The following UGGT2 variants were observed in gnomAD, a reference collection of about 807,000 sequenced individuals.
UGGT2 encodes UDP-glucose:glycoprotein glucosyltransferase 2.
A neutral mutation model predicts 192.1 loss-of-function variants in UGGT2; 180 were observed. The observed-to-expected ratio is 0.94, with a 90% CI of 0.83 to 1.06. The LOEUF is 1.06. UGGT2 is among the 50% of genes least tolerant of loss of function. UGGT2 has a pLI of 0.00. For synonymous variants in UGGT2, 580 were observed against 591.0 expected (o/e 0.98, Z 0.27); for missense variants, 1,849 against 1,795.7 (o/e 1.03, Z -0.54).
intron 6 of UGGT2, among the ~76,000 whole-genome samples, chr13:95,998,467 A>C (rs2051696456): frequency 6.6e-6 from 1 of 152,186 alleles, no homozygotes. Flanking sequence ...AGCCAGAGAG[A>C]AGTCTGTGAT....
chr13:95,832,104 T>C (rs1439329247), intron 38 of UGGT2, among the ~76,000 whole-genome samples: 1 of 151,890 alleles, frequency 6.6e-6, no homozygotes, highest in Admixed American at 6.6e-5. Flanking sequence ...AGACAGTTTA[T>C]ACATAATCAT....
At chr13:95,846,313 C>T (rs1215412225) in intron 36 of UGGT2, among the ~76,000 whole-genome samples, 1 of 151,988 alleles carries the variant, frequency 6.6e-6, no homozygotes, top group African/African-American at 2.4e-5. Context: ...CAATCCCAGG[C>T]ACTCGGCAGG....
At chr13:95,946,770 ATTACT>A (rs1016960234) in intron 15 of UGGT2, among the ~76,000 whole-genome samples, 1 of 152,206 alleles carries the variant, frequency 6.6e-6, no homozygotes, top group Non-Finnish European at 1.5e-5. Context: ...TAAAATTTAA[ATTACT>A]TTATTGGCTG....
chr13:96,009,707 C>A (rs2052094551), intron 5 of UGGT2, among the ~76,000 whole-genome samples: 2 of 152,128 alleles, frequency 1.3e-5, no homozygotes, highest in Admixed American at 1.3e-4. Context: ...ACTTGGGAGG[C>A]TGAGGCAGGA....
At chr13:96,027,068 C>T (rs1188472415) in intron 2 of UGGT2, among the ~76,000 whole-genome samples, 1 of 152,020 alleles carries the variant, frequency 6.6e-6, no homozygotes, top group Non-Finnish European at 1.5e-5. Flanking sequence ...AAATAAGATT[C>T]GTGTTCAACA....
chr13:95,860,194 C>T (rs565665204), intron 32 of UGGT2, among the ~76,000 whole-genome samples: 113 of 151,976 alleles, frequency 7.4e-4, no homozygotes, highest in Non-Finnish European at 1.4e-3. Flanking sequence ...TCTATATAAA[C>T]TGTTTAAAAA....
At chr13:95,841,792 T>C (rs1022009620) in intron 36 of UGGT2, among the ~76,000 whole-genome samples, 1 of 152,230 alleles carries the variant, frequency 6.6e-6, no homozygotes, top group Non-Finnish European at 1.5e-5. Context: ...TACACCTATG[T>C]TCATTTCTAA....
At chr13:95,962,974 T>C (rs2050447853) in intron 12 of UGGT2, among the ~76,000 whole-genome samples, 1 of 152,120 alleles carries the variant, frequency 6.6e-6, no homozygotes, top group African/African-American at 2.4e-5. Context: ...CTCTCCCTTA[T>C]AGAGCCATCA....
chr13:95,970,413 G>A (rs1303880584), intron 11 of UGGT2, 151 bp from the exon 12 acceptor site: 3 of 651,318 alleles, frequency 4.6e-6, no homozygotes, highest in Non-Finnish European at 7.7e-6. Context: ...TAAGAAATAA[G>A]GCAAATAGTT....
rs572975458 is a variant in UGGT2 at position 95,858,004 on chromosome 13, T to G, written c.3825+1587A>C. On this transcript the variant is annotated intron_variant, in intron 33 of 38. Transcript: ENST00000376747. ...TATTTATAGGTTCTTTTTCTGTTTT[T>G]TTTTTTTTTTCCTACTGTCAAATGA... 4.5e-4 allele frequency among the ~76,000 whole-genome samples: 68 copies of G among 151,706 alleles called. 2 individuals are homozygous for G. In the South Asian group the frequency reaches 0.013, roughly 30 times the overall value.
intron 4 of UGGT2, among the ~76,000 whole-genome samples, chr13:96,015,876 C>G (rs2052321859): frequency 6.6e-6 from 1 of 152,132 alleles, no homozygotes. Context: ...AATAATGAAA[C>G]TTATTTATTC....
At chr13:95,821,024 C>G (rs1031916705) in intron 38 of UGGT2, among the ~76,000 whole-genome samples, 4 of 152,066 alleles carry the variant, frequency 2.6e-5, no homozygotes, top group Admixed American at 2.6e-4. Flanking sequence ...TGGTTCTTTG[C>G]AATTGTGAAA....
chr13:95,806,825 A>G (rs1884330607), intron 38 of UGGT2, among the ~76,000 whole-genome samples: 1 of 152,180 alleles, frequency 6.6e-6, no homozygotes, highest in South Asian at 2.1e-4. Flanking sequence ...GGACAACTAG[A>G]TAGCCATATG....
chr13:95,931,709 C>A (rs1288161550), intron 17 of UGGT2, among the ~76,000 whole-genome samples: 2 of 152,156 alleles, frequency 1.3e-5, no homozygotes, highest in African/African-American at 2.4e-5. Flanking sequence ...ACTGCCCGGG[C>A]CGGCAGCGCC....
chr13:95,807,363 G>A (rs1437770241), intron 38 of UGGT2, among the ~76,000 whole-genome samples: 4 of 152,048 alleles, frequency 2.6e-5, no homozygotes, highest in Non-Finnish European at 5.9e-5. Flanking sequence ...AGGCAGCAGA[G>A]GCAGGCACAC....
intron 20 of UGGT2, among the ~76,000 whole-genome samples, chr13:95,917,051 CA>C (rs1306314342): frequency 6.6e-6 from 1 of 152,060 alleles, no homozygotes; most frequent in Admixed American, 6.6e-5. Context: ...TGGAGAACCC[CA>C]GTAAGATACT....
intron 20 of UGGT2, among the ~76,000 whole-genome samples, chr13:95,906,630 A>G (rs2048300330): frequency 1.3e-5 from 2 of 152,236 alleles, no homozygotes; most frequent in South Asian, 2.1e-4. Context: ...ATGTACTCCA[A>G]TAAGGATAAA....
chr13:96,046,896 C>G (rs1054954698), intron 1 of UGGT2, among the ~76,000 whole-genome samples: 2 of 152,196 alleles, frequency 1.3e-5, no homozygotes, highest in South Asian at 2.1e-4. Flanking sequence ...GAGATCCAAC[C>G]GCAAGGCAGC....
At chr13:95,987,335 A>G (rs1483982085) in intron 8 of UGGT2, among the ~76,000 whole-genome samples, 4 of 152,122 alleles carry the variant, frequency 2.6e-5, no homozygotes, top group Admixed American at 2.6e-4. Context: ...AGTAATGTCT[A>G]CCTAGATTTC....
Sources: allele counts gnomAD v4.1 joint callset (sites outside exome capture counted in the v4.1 genomes callset), GRCh38; gene constraint gnomAD v4.1.1; transcripts MANE v1.5; gene names NCBI Gene and HGNC (gene_info 2026-07-23, HGNC 2026-07-21).